DGKB: variants seen among roughly 807,000 people sequenced by gnomAD.
DGKB encodes the protein 90 kDa diacylglycerol kinase.
Under a neutral mutation model 114.3 loss-of-function variants are expected in DGKB, and 67 were observed. That is an observed-to-expected ratio of 0.59 (90% confidence interval 0.48 to 0.72). The LOEUF (loss-of-function observed/expected upper bound fraction) is 0.72. Among genes scored for constraint, DGKB ranks in the 30% least tolerant of loss-of-function variants. The pLI is 0.00. For missense variants in DGKB, 907 were observed against 975.2 expected (o/e 0.93, Z 0.93); for synonymous variants, 398 against 323.1 (o/e 1.23, Z -2.49).
At chr7:14,718,721 T>C (rs1425604198) in intron 5 of DGKB, 36 bp from the exon 6 acceptor site, 2 of 1,472,388 alleles carry the variant, frequency 1.4e-6, no homozygotes, top group East Asian at 2.3e-5. Flanking sequence ...TTGTTAATTA[T>C]TTACAGTGAT....
intron 1 of DGKB, among the ~76,000 whole-genome samples, chr7:14,940,871 GA>G (rs1785535278): frequency 6.6e-6 from 1 of 151,942 alleles, no homozygotes; most frequent in African/African-American, 2.4e-5. Context: ...TGGACAGTGA[GA>G]TGAGATTCCA....
intron 23 of DGKB, among the ~76,000 whole-genome samples, chr7:14,233,704 C>T (rs1202663293): frequency 2.0e-5 from 3 of 151,882 alleles, no homozygotes; most frequent in Non-Finnish European, 4.4e-5. Flanking sequence ...GACAGGTAGT[C>T]CAAGAGGGAA....
intron 5 of DGKB, among the ~76,000 whole-genome samples, chr7:14,723,375 C>G (rs1239180164): frequency 1.4e-5 from 2 of 144,576 alleles, no homozygotes; most frequent in African/African-American, 5.3e-5. Context: ...TAAAATGAAA[C>G]ATAAAGCTGG....
intron 21 of DGKB, among the ~76,000 whole-genome samples, chr7:14,472,986 A>G (rs1781638665): frequency 6.6e-6 from 1 of 152,194 alleles, no homozygotes; most frequent in Non-Finnish European, 1.5e-5. Flanking sequence ...GAAAATTTGC[A>G]GCCTGGCAAT....
At chr7:14,912,498 G>A (rs549802161) in intron 1 of DGKB, among the ~76,000 whole-genome samples, 179 of 152,216 alleles carry the variant, frequency 1.2e-3, no homozygotes, top group Non-Finnish European at 1.9e-3. Flanking sequence ...GGTAGAATGC[G>A]CTGGAACAAA....
chr7:14,204,452 C>CTGAAG (rs1210362167), intron 23 of DGKB, among the ~76,000 whole-genome samples: 1 of 151,964 alleles, frequency 6.6e-6, no homozygotes, highest in African/African-American at 2.4e-5. Context: ...AATGATTAGC[C>CTGAAG]TGAAGTCTCT....
At chr7:14,590,185 A>G (rs943176751) in intron 17 of DGKB, among the ~76,000 whole-genome samples, 3 of 151,952 alleles carry the variant, frequency 2.0e-5, no homozygotes, top group East Asian at 3.9e-4. Context: ...CATTAAAGAG[A>G]AAAGTCTTAC....
chr7:14,271,942 A>G (rs2128434717), intron 23 of DGKB, among the ~76,000 whole-genome samples: 1 of 152,330 alleles, frequency 6.6e-6, no homozygotes, highest in Non-Finnish European at 1.5e-5. Flanking sequence ...TTCCTGTGCT[A>G]TTACTAACTT....
intron 1 of DGKB, among the ~76,000 whole-genome samples, chr7:14,940,452 T>A (rs1320747414): frequency 6.6e-6 from 1 of 152,114 alleles, no homozygotes; most frequent in Non-Finnish European, 1.5e-5. Context: ...GAATTCTTTT[T>A]TTCTGGGATA....
chr7:14,378,857 A>G (rs1186500287), intron 21 of DGKB, among the ~76,000 whole-genome samples: 1 of 152,160 alleles, frequency 6.6e-6, no homozygotes, highest in Non-Finnish European at 1.5e-5. Flanking sequence ...TTATGCAAAT[A>G]GAATTTAAAA....
chr7:14,713,948 A>T, intron 6 of DGKB, among the ~76,000 whole-genome samples: 1 of 152,246 alleles, frequency 6.6e-6, no homozygotes, highest in South Asian at 2.1e-4. Flanking sequence ...ATATAAAGTT[A>T]GTATTATTCA....
intron 23 of DGKB, among the ~76,000 whole-genome samples, chr7:14,292,510 A>G (rs975895816): frequency 2.0e-5 from 3 of 152,336 alleles, no homozygotes; most frequent in South Asian, 2.1e-4. Context: ...TCACAAAATA[A>G]AAGGCATATT....
chr7:14,621,750 T>C (rs1457643131), intron 14 of DGKB, among the ~76,000 whole-genome samples: 1 of 152,056 alleles, frequency 6.6e-6, no homozygotes, highest in African/African-American at 2.4e-5. Flanking sequence ...TGCCCAATTA[T>C]GACTCTTTAT....
intron 7 of DGKB, among the ~76,000 whole-genome samples, chr7:14,700,620 T>G (rs146072358): frequency 6.6e-6 from 1 of 152,236 alleles, no homozygotes; most frequent in Non-Finnish European, 1.5e-5. Context: ...TATTTTAATC[T>G]CTCTCTGGAG....
At chr7:14,369,984 C>A (rs569320765) in intron 21 of DGKB, among the ~76,000 whole-genome samples, 1 of 152,252 alleles carries the variant, frequency 6.6e-6, no homozygotes, top group South Asian at 2.1e-4. Flanking sequence ...GCTTCTGTTG[C>A]CATTGCTTTT....
intron 21 of DGKB, among the ~76,000 whole-genome samples, chr7:14,451,135 C>G (rs1584035689): frequency 6.6e-6 from 1 of 152,096 alleles, no homozygotes; most frequent in African/African-American, 2.4e-5. Context: ...GTCAACTTGG[C>G]TGAGCCATGA....
intron 20 of DGKB, among the ~76,000 whole-genome samples, chr7:14,542,183 T>G (rs1433805391): frequency 6.6e-6 from 1 of 152,030 alleles, no homozygotes; most frequent in Admixed American, 6.6e-5. Context: ...CTATTTATTA[T>G]CATTATTATT....
rs187468459 is a variant in DGKB, at chr7:14,941,564, T to G, written c.-188+33132A>C. Among the ~76,000 whole-genome samples the G allele has an allele frequency of 2.3e-3, 348 of 152,214 alleles. 1 individual carries two copies. Among genetic ancestry groups the G allele is most frequent in the Middle Eastern group, 6.8e-3 (2 of 294 alleles). ...ATTTGTAAACATATATAGTTACTTG[T>G]GAAGATGGTTTACAGTTTACCTAAA... On this transcript the variant is annotated intron_variant, in intron 1 of 4. Coordinates refer to the DGKB transcript ENST00000437998.
At chr7:14,914,508 A>G (rs532369999) in intron 1 of DGKB, among the ~76,000 whole-genome samples, 1 of 152,288 alleles carries the variant, frequency 6.6e-6, no homozygotes, top group East Asian at 1.9e-4. Context: ...AATATTAAGT[A>G]CAACCCTCAC....
Sources: gnomAD v4.1 joint callset for allele counts (sites outside exome capture counted in the v4.1 genomes callset) on GRCh38, gnomAD v4.1.1 for gene constraint, MANE v1.5 for transcripts, NCBI Gene and HGNC (gene_info 2026-07-23, HGNC 2026-07-21) for gene names.